The following DIAPH3 variants were observed in gnomAD, a reference collection of about 807,000 sequenced individuals.
The protein encoded by DIAPH3 is protein diaphanous homolog 3.
In DIAPH3, 117 loss-of-function variants were observed where a neutral mutation model predicts 144.3. That is an observed-to-expected ratio of 0.81 (90% CI 0.70 to 0.95). The LOEUF (loss-of-function observed/expected upper bound fraction) is 0.95. DIAPH3 is among the 40% of genes least tolerant of loss of function. The pLI, the probability that DIAPH3 is intolerant of heterozygous loss-of-function variation, is 0.00. For missense variants in DIAPH3, 1,421 were observed against 1,412.7 expected, an observed-to-expected ratio of 1.01 and a Z score of -0.09; for synonymous variants, 519 against 488.9, an observed-to-expected ratio of 1.06 and a Z score of -0.81.
chr13:59,909,184 C>A (rs576882218), intron 20 of DIAPH3, among the ~76,000 whole-genome samples: 11 of 152,178 alleles, frequency 7.2e-5, no homozygotes, highest in African/African-American at 2.4e-4. Flanking sequence ...GCAATTATAA[C>A]CAATTTCTTA....
intron 27 of DIAPH3, among the ~76,000 whole-genome samples, chr13:59,747,308 G>T (rs141431183): frequency 6.6e-6 from 1 of 152,260 alleles, no homozygotes; most frequent in African/African-American, 2.4e-5. Flanking sequence ...AATCAAGAGG[G>T]AATGAATCTT....
intron 7 of DIAPH3, among the ~76,000 whole-genome samples, chr13:60,013,983 T>C (rs2053456613): frequency 2.0e-5 from 3 of 152,158 alleles, no homozygotes; most frequent in Non-Finnish European, 2.9e-5. Context: ...GCTCCATGTA[T>C]ATAAACTACA....
At chr13:59,920,377 C>T (rs2047448834) in intron 18 of DIAPH3, among the ~76,000 whole-genome samples, 1 of 151,494 alleles carries the variant, frequency 6.6e-6, no homozygotes, top group East Asian at 1.9e-4. Context: ...ACATGAAAAC[C>T]GAAAAAGAAC....
chr13:60,008,647 A>G lies in DIAPH3; in HGVS notation c.911T>C (p.Leu304Pro). 1 of 1,606,274 alleles carries G rather than the reference A, an allele frequency of 6.2e-7. No homozygotes were observed. The highest frequency in any genetic ancestry group is 8.5e-7 in the Non-Finnish European group (1 of 1,173,092). The change falls in exon 9 of 28, where the codon CTT (leucine) becomes CCT (proline). Residue 304 changes from leucine to proline, a missense_variant and splice_region_variant. Coordinates refer to ENST00000400324, the MANE Select transcript of DIAPH3 (RefSeq NM_001042517.2). ...AVCIVGEESI[L>P]EEVLEALTSA... ...AGTTAAAGCTTCTAAAACTTCTTCA[A>G]GGCTATTGGAAAATTTGAGTCAATT...
At chr13:59,894,927 T>A (rs911740901) in intron 20 of DIAPH3, among the ~76,000 whole-genome samples, 69 of 152,068 alleles carry the variant, frequency 4.5e-4, no homozygotes, top group African/African-American at 1.5e-3. Context: ...AACATAAAAC[T>A]TCAGTAATGC....
chr13:59,936,807 T>C (rs2048286366), intron 17 of DIAPH3, among the ~76,000 whole-genome samples: 1 of 152,202 alleles, frequency 6.6e-6, no homozygotes, highest in Non-Finnish European at 1.5e-5. Context: ...ATCTGGCCCC[T>C]GTGAATTCTT....
At chr13:59,983,225 C>T (rs1594217115) in intron 13 of DIAPH3, among the ~76,000 whole-genome samples, 2 of 129,840 alleles carry the variant, frequency 1.5e-5, no homozygotes, top group East Asian at 2.4e-4. Flanking sequence ...AAAAAAAAGG[C>T]TTCGGGGGGG....
intron 1 of DIAPH3, among the ~76,000 whole-genome samples, chr13:60,133,588 C>T (rs2059195800): frequency 6.6e-6 from 1 of 152,132 alleles, no homozygotes; most frequent in Non-Finnish European, 1.5e-5. Flanking sequence ...ACAGTAGACA[C>T]TTTTCAATTT....
intron 24 of DIAPH3, among the ~76,000 whole-genome samples, chr13:59,829,155 G>A (rs1331743261): frequency 6.6e-6 from 1 of 151,928 alleles, no homozygotes; most frequent in Admixed American, 6.6e-5. Context: ...GTATGAGTTA[G>A]TCAAAGGTAT....
At chr13:60,062,076 C>T (rs901002094) in intron 4 of DIAPH3, among the ~76,000 whole-genome samples, 3 of 152,116 alleles carry the variant, frequency 2.0e-5, no homozygotes, top group African/African-American at 7.2e-5. Context: ...CCTATTTTAT[C>T]TTAATTACTT....
intron 4 of DIAPH3, among the ~76,000 whole-genome samples, chr13:60,049,710 G>A (rs2056247705): frequency 6.6e-6 from 1 of 152,180 alleles, no homozygotes; most frequent in Non-Finnish European, 1.5e-5. Context: ...TGTGTGCCAA[G>A]TACTGTTTAC....
chr13:59,916,259 A>G lies in DIAPH3; in HGVS notation c.2171-10T>C. ...GAGCTCAGGAAGATTGCTAAGAAGG[A>G]GAAAGAGAGAAAGGTTTATAATGAA... On this transcript the variant is annotated splice_polypyrimidine_tract_variant and intron_variant, in intron 18 of 27. Coordinates refer to ENST00000400324, the MANE Select transcript of DIAPH3 (RefSeq NM_001042517.2). 1 of 1,599,226 alleles carries G rather than the reference A, an allele frequency of 6.3e-7. No individual in the cohort carries two copies. The highest frequency in any genetic ancestry group is 8.6e-7 in the Non-Finnish European group (1 of 1,166,784).
chr13:60,080,939 A>G (rs2057538103), intron 4 of DIAPH3, among the ~76,000 whole-genome samples: 2 of 152,008 alleles, frequency 1.3e-5, no homozygotes, highest in African/African-American at 4.8e-5. Context: ...GGAGTACATC[A>G]CTATGCTTTT....
chr13:59,857,217 C>T (rs2043308732), intron 22 of DIAPH3, among the ~76,000 whole-genome samples: 1 of 152,062 alleles, frequency 6.6e-6, no homozygotes, highest in South Asian at 2.1e-4. Flanking sequence ...TTGAAATTTT[C>T]AAACACTATA....
In DIAPH3 at chr13:60,093,699, G is replaced by T; in HGVS notation, c.424C>A (p.Pro142Thr). 1 of 1,612,624 alleles carries T rather than the reference G, an allele frequency of 6.2e-7. No individual in the cohort carries two copies. Among genetic ancestry groups the T allele is most frequent in the South Asian group, 1.1e-5 (1 of 91,006 alleles). The change falls in exon 4 of 28, where the codon CCA becomes ACA. Residue 142 changes from proline to threonine, a missense_variant. Coordinates refer to ENST00000400324, the MANE Select transcript of DIAPH3 (RefSeq NM_001042517.2). ...DMNLNEDKKAPLREKDFSIKK... is the reference protein window; with the variant it reads ...DMNLNEDKKATLREKDFSIKK... ...ATACTGAAGTCCTTTTCCCGCAATG[G>T]TGCCTTTTTATCTTCATTTAAATTC... is the stretch of plus-strand genomic sequence containing the variant.
chr13:60,071,527 T>A (rs1181056677), intron 4 of DIAPH3, among the ~76,000 whole-genome samples: 1 of 152,208 alleles, frequency 6.6e-6, no homozygotes, highest in Non-Finnish European at 1.5e-5. Context: ...TTGTTTATAT[T>A]TTCCAATCTC....
chr13:59,741,067 A>G (rs1166922400), intron 27 of DIAPH3, among the ~76,000 whole-genome samples: 7 of 152,204 alleles, frequency 4.6e-5, no homozygotes, highest in African/African-American at 1.7e-4. Context: ...TTAACGGATC[A>G]TTTTTACAGC....
At chr13:59,823,480 A>G (rs550563371) in intron 24 of DIAPH3, among the ~76,000 whole-genome samples, 3 of 152,344 alleles carry the variant, frequency 2.0e-5, no homozygotes, top group South Asian at 4.1e-4. Context: ...TAATGAAGAC[A>G]TAAGTCTTAT....
chr13:60,037,699 C>T (rs1213210643), intron 5 of DIAPH3, among the ~76,000 whole-genome samples: 1 of 151,716 alleles, frequency 6.6e-6, no homozygotes, highest in East Asian at 1.9e-4. Context: ...GGATGATGAA[C>T]CTGGAAAAAG....
Sources: allele counts gnomAD v4.1 joint callset (sites outside exome capture counted in the v4.1 genomes callset), GRCh38; gene constraint gnomAD v4.1.1; transcripts MANE v1.5; gene names NCBI Gene and HGNC (gene_info 2026-07-23, HGNC 2026-07-21).